Variants in PTPRM observed in about 807,000 individuals in gnomAD.
PTPRM encodes receptor-type tyrosine-protein phosphatase mu.
PTPRM carries 47 observed loss-of-function variants against 186.7 expected under a neutral mutation model. That is an observed-to-expected ratio of 0.25 (90% confidence interval 0.20 to 0.32). The LOEUF (loss-of-function observed/expected upper bound fraction) is 0.32. Among genes scored for constraint, PTPRM ranks in the 10% least tolerant of loss-of-function variants. PTPRM has a pLI of 1.00. For synonymous variants in PTPRM, 668 were observed against 674.9 expected (o/e 0.99, Z 0.16); for missense variants, 1,494 against 1,865.0 (o/e 0.80, Z 3.66).
chr18:8,356,108 A>C (rs1483511933), intron 23 of PTPRM, among the ~76,000 whole-genome samples: 1 of 152,220 alleles, frequency 6.6e-6, no homozygotes, highest in African/African-American at 2.4e-5. Context: ...TGACAGACCA[A>C]ATGATGCATT....
intron 21 of PTPRM, 76 bp downstream of exon 21, chr18:8,314,933 T>A: frequency 3.3e-6 from 3 of 897,600 alleles, no homozygotes; most frequent in Non-Finnish European, 5.1e-6. Flanking sequence ...TTTTGATACA[T>A]GTATACAATG....
At chr18:8,259,145 C>T (rs1320505228) in intron 19 of PTPRM, among the ~76,000 whole-genome samples, 1 of 152,024 alleles carries the variant, frequency 6.6e-6, no homozygotes, top group Non-Finnish European at 1.5e-5. Flanking sequence ...GATGGATTTT[C>T]GCCATGTTAC....
At chr18:7,813,773 C>G (rs2044658014) in intron 2 of PTPRM, among the ~76,000 whole-genome samples, 1 of 151,390 alleles carries the variant, frequency 6.6e-6, no homozygotes, top group Non-Finnish European at 1.5e-5. Context: ...TTTTTTCCCC[C>G]TATGGGAGAT....
At chr18:7,891,210 T>A (rs535213559) in intron 3 of PTPRM, among the ~76,000 whole-genome samples, 1 of 151,862 alleles carries the variant, frequency 6.6e-6, no homozygotes, top group African/African-American at 2.4e-5. Context: ...CGCTTGAGCC[T>A]GGGAGGTCGA....
chr18:8,053,176 C>T (rs2087636194), intron 7 of PTPRM, among the ~76,000 whole-genome samples: 1 of 151,932 alleles, frequency 6.6e-6, no homozygotes, highest in African/African-American at 2.4e-5. Context: ...GTTGTTTTCC[C>T]TTCTTTACAA....
chr18:7,762,717 T>TGGTTTCAGCCTACCATG (rs2041835746), intron 1 of PTPRM, among the ~76,000 whole-genome samples: 1 of 152,112 alleles, frequency 6.6e-6, no homozygotes, highest in Non-Finnish European at 1.5e-5. Flanking sequence ...AAACTCAAAT[T>TGGTTTCAGCCTACCATG]GTGGCATGGT....
At chr18:7,817,870 TCCCGGAAGCTGGAA>T in intron 2 of PTPRM, among the ~76,000 whole-genome samples, 1 of 152,278 alleles carries the variant, frequency 6.6e-6, no homozygotes, top group East Asian at 1.9e-4. Flanking sequence ...GGAGTAAGAC[TCCCGGAAGCTGGAA>T]GGGAATGAGG....
chr18:7,926,721 G>A (rs1451861745), intron 5 of PTPRM, 38 bp downstream of exon 5: 2 of 1,511,058 alleles, frequency 1.3e-6, no homozygotes, highest in East Asian at 2.3e-5. Flanking sequence ...TGAGAGTCCA[G>A]CGGGAAGAAT....
intron 7 of PTPRM, among the ~76,000 whole-genome samples, chr18:8,006,353 G>A (rs1478366581): frequency 2.0e-5 from 3 of 152,204 alleles, no homozygotes; most frequent in Non-Finnish European, 4.4e-5. Flanking sequence ...TTCCATGAGT[G>A]AGAGCCACAT....
intron 14 of PTPRM, among the ~76,000 whole-genome samples, chr18:8,224,580 G>C (rs984319372): frequency 6.6e-6 from 1 of 152,026 alleles, no homozygotes; most frequent in African/African-American, 2.4e-5. Flanking sequence ...AGAATGTATT[G>C]GGGAAAAAAA....
chr18:8,048,585 T>A (rs529315132), intron 7 of PTPRM, among the ~76,000 whole-genome samples: 782 of 144,980 alleles, frequency 5.4e-3, no homozygotes, highest in African/African-American at 8.3e-3. Context: ...AAGTCTTTTT[T>A]AAAAAAAAAA....
intron 5 of PTPRM, among the ~76,000 whole-genome samples, chr18:7,946,127 G>C (rs2052508187): frequency 6.6e-6 from 1 of 152,210 alleles, no homozygotes; most frequent in Non-Finnish European, 1.5e-5. Context: ...CAGTGCTACT[G>C]TGAGTCATAC....
chr18:8,240,777 G>GGAGCGA (rs2094420075), intron 14 of PTPRM, among the ~76,000 whole-genome samples: 9 of 57,356 alleles, frequency 1.6e-4, no homozygotes, highest in Non-Finnish European at 3.0e-4. Flanking sequence ...AGAGAGAGAG[G>GGAGCGA]GAGAGAGAGA....
At chr18:7,590,467 C>T (rs1412157751) in intron 1 of PTPRM, among the ~76,000 whole-genome samples, 1 of 151,920 alleles carries the variant, frequency 6.6e-6, no homozygotes, top group African/African-American at 2.4e-5. Flanking sequence ...GAACTTTTTC[C>T]AAATATGATA....
chr18:8,394,395 A>G, intron 31 of PTPRM, 81 bp from the exon 32 acceptor site: 4 of 1,464,734 alleles, frequency 2.7e-6, no homozygotes, highest in Non-Finnish European at 3.7e-6. Context: ...CCCAGGGTTT[A>G]GACAGCTTGT....
chr18:7,851,334 A>G (rs1032357732), intron 2 of PTPRM, among the ~76,000 whole-genome samples: 4 of 152,212 alleles, frequency 2.6e-5, no homozygotes, highest in African/African-American at 9.7e-5. Context: ...ACTGACATCA[A>G]GCCACAGATG....
At chr18:7,627,809 A>G (rs2038097028) in intron 1 of PTPRM, among the ~76,000 whole-genome samples, 1 of 152,132 alleles carries the variant, frequency 6.6e-6, no homozygotes, top group South Asian at 2.1e-4. Flanking sequence ...GTCCTCTCTA[A>G]GGACAGCAAG....
At chr18:7,812,146 G>A (rs117075997) in intron 2 of PTPRM, among the ~76,000 whole-genome samples, 1,942 of 152,260 alleles carry the variant, frequency 0.013, 13 homozygotes, top group Middle Eastern at 0.024. Flanking sequence ...AACAATATTG[G>A]ATGAAGTAGG....
chr18:8,094,592 A>G (rs1311078850), intron 11 of PTPRM, among the ~76,000 whole-genome samples: 1 of 152,140 alleles, frequency 6.6e-6, no homozygotes, highest in Non-Finnish European at 1.5e-5. Context: ...TTAAAAATTT[A>G]AAACAAAATA....
Sources: allele counts gnomAD v4.1 joint callset (sites outside exome capture counted in the v4.1 genomes callset), GRCh38; gene constraint gnomAD v4.1.1; transcripts MANE v1.5; gene names NCBI Gene and HGNC (gene_info 2026-07-23, HGNC 2026-07-21).